The following ZNF527 variants were observed in gnomAD, a reference collection of about 807,000 sequenced individuals.
ZNF527 encodes zinc finger protein 527.
In ZNF527, 5 loss-of-function variants were observed where a neutral mutation model predicts 13.5. That is an observed-to-expected ratio of 0.37 (90% CI 0.19 to 0.78). The LOEUF is 0.78. ZNF527 is among the 30% of genes least tolerant of loss of function. ZNF527 has a pLI of 0.48. For synonymous variants in ZNF527, 209 were observed against 243.1 expected (o/e 0.86, Z 1.30); for missense variants, 628 against 726.4 (o/e 0.86, Z 1.56).
intron 4 of ZNF527, among the ~76,000 whole-genome samples, chr19:37,387,661 C>T (rs76122691): frequency 0.019 from 2,871 of 152,264 alleles, 34 homozygotes; most frequent in Middle Eastern, 0.068. Context: ...CGTATCTTCT[C>T]AATAGGCATC....
At position 37,389,526 on chromosome 19, in the gene ZNF527, A is replaced by G. The variant is rs771579249; in HGVS notation, c.1477A>G (p.Thr493Ala). 2 of 1,614,090 alleles carry G rather than the reference A, an allele frequency of 1.2e-6. No homozygotes were observed. The highest frequency in any genetic ancestry group is 2.7e-5 in the African/African-American group (2 of 74,938). ...SQLNRHHRIH[T>A]GERPFECSKC... ...ACTTAATCGACATCATAGAATTCACACTGGAGAGAGACCATTTGAATGCAG... is the reference window on the plus strand; with the variant it reads ...ACTTAATCGACATCATAGAATTCACGCTGGAGAGAGACCATTTGAATGCAG... Residue 493 changes from threonine to alanine, a missense_variant, in exon 5 of 5, where the codon ACT becomes GCT. Around this residue, in one of 3 missense-constraint regions of ZNF527, gnomAD observed 592 missense variants for 678.0 expected, o/e 0.87. Transcript: ENST00000436120.
At chr19:37,381,422 T>C (rs1430661912) in intron 4 of ZNF527, among the ~76,000 whole-genome samples, 2 of 152,206 alleles carry the variant, frequency 1.3e-5, no homozygotes, top group East Asian at 3.8e-4. Context: ...TGGATCTATC[T>C]GATTTATCTG....
chr19:37,385,258 G>A (rs986839662), intron 4 of ZNF527: 10 of 438,876 alleles, frequency 2.3e-5, no homozygotes, highest in Admixed American at 7.9e-5. Flanking sequence ...GTTTTCTCCC[G>A]CACACAAGTT....
Position 37,391,148 on chromosome 19 carries a change from T to C in ZNF527, c.*1269T>C, listed in dbSNP as rs1298720723. 2 of 152,244 alleles carry C rather than the reference T, an allele frequency of 1.3e-5. No homozygotes were observed. Among genetic ancestry groups the C allele is most frequent in the Non-Finnish European group, 2.9e-5 (2 of 68,044 alleles). 9.4% of individuals were successfully genotyped at this position (152,244 alleles called of 1,614,324 possible). A position where few individuals can be genotyped will look rare whatever the true frequency, so the allele number is the denominator to read the frequency against. On this transcript the variant is annotated 3_prime_UTR_variant, in exon 5 of 5. Transcript: ENST00000436120. ...CTAAGAGAATAATACTTTCATTTGT[T>C]TAATGAATGGCTCTTCATCTTCAAG...
chr19:37,389,857 T>C lies in ZNF527; in HGVS notation c.1808T>C (p.Ile603Thr). 1.9e-6 allele frequency: 3 copies of C among 1,600,534 alleles called. No homozygotes were observed. The highest frequency in any genetic ancestry group is 2.6e-6 in the Non-Finnish European group (3 of 1,175,632). ...CVSALRRHQR[I>T]HNRETL ...TCAGCCCTTAGACGACATCAGAGAA[T>C]TCATAATAGAGAAACGCTCTGATTA... Residue 603 changes from isoleucine to threonine, a missense_variant, in exon 5 of 5, where the codon ATT becomes ACT. By Grantham distance (89) the Ile-to-Thr change is moderately conservative (BLOSUM62 -1). This residue lies in a region of ZNF527 where 592 missense variants were observed against 678.0 expected (regional missense o/e 0.87). Coordinates refer to ENST00000436120, the MANE Select transcript of ZNF527 (RefSeq NM_032453.2).
At chr19:37,383,093 A>G (rs372881295) in intron 4 of ZNF527, among the ~76,000 whole-genome samples, 36 of 152,242 alleles carry the variant, frequency 2.4e-4, no homozygotes, top group African/African-American at 7.2e-4. Context: ...ACAAATTAGC[A>G]CACATTTAGT....
intron 4 of ZNF527, 45 bp downstream of exon 4, chr19:37,380,417 C>G (rs184408293): frequency 2.0e-6 from 3 of 1,537,318 alleles, no homozygotes; most frequent in African/African-American, 1.4e-5. Flanking sequence ...GTAAGGTACT[C>G]AACCAAGTAG....
chr19:37,380,858 C>G (rs2040648377), intron 4 of ZNF527, among the ~76,000 whole-genome samples: 1 of 152,106 alleles, frequency 6.6e-6, no homozygotes, highest in Admixed American at 6.6e-5. Context: ...GATCCACTTT[C>G]TTTTCTTTTG....
At chr19:37,385,189 T>C (rs1370847639) in intron 4 of ZNF527, 12 of 467,782 alleles carry the variant, frequency 2.6e-5, no homozygotes, top group Non-Finnish European at 3.8e-5. Flanking sequence ...TTATTCATTT[T>C]TCTATGATAT....
intron 4 of ZNF527, chr19:37,384,892 G>A (rs1304052274): frequency 1.4e-6 from 1 of 700,930 alleles, no homozygotes; most frequent in South Asian, 1.5e-5. Flanking sequence ...GCCCAGGCTG[G>A]AGTGCAGTGG....
Position 37,380,371 on chromosome 19 carries a change from A to T in ZNF527, c.255A>T (p.Ala85=). The T allele has an allele frequency of 6.2e-7, 1 of 1,612,964 alleles. No individual in the cohort carries two copies. Among genetic ancestry groups the T allele is most frequent in the Non-Finnish European group, 8.5e-7 (1 of 1,178,988 alleles). The change falls in exon 4 of 5, where the codon GCA becomes GCT. Residue 85 remains alanine (A), a splice_region_variant and synonymous_variant. Transcript: ENST00000436120. ...VERKMSQGHC[A]DWESWCEIEE... is the part of the protein sequence containing the mutation. Reference sequence around the variant, plus strand: ...GAAAGATGTCACAGGGTCACTGTGCAGGTGAGTGACAGATCACCAGGCAGG... The same window carrying T: ...GAAAGATGTCACAGGGTCACTGTGCTGGTGAGTGACAGATCACCAGGCAGG...
chr19:37,391,797 C>A lies in ZNF527; in HGVS notation c.*1918C>A, dbSNP rs1027529325. On this transcript the variant is annotated 3_prime_UTR_variant, in exon 5 of 5. Transcript: ENST00000436120. ...TAATGAGGAAGATGAAGGTGTAGGG[C>A]AATACGTTTCTTTTTTATCTGAGTG... 6.6e-6 allele frequency: 1 copy of A among 152,002 alleles called. No homozygotes were observed. Among genetic ancestry groups the A allele is most frequent in the African/African-American group, 2.4e-5 (1 of 41,378 alleles). 9.4% of individuals were successfully genotyped at this position (152,002 alleles called of 1,614,324 possible).
chr19:37,372,804 C>T (rs530310376), intron 1 of ZNF527, among the ~76,000 whole-genome samples: 10 of 152,146 alleles, frequency 6.6e-5, no homozygotes, highest in South Asian at 6.2e-4. Context: ...GAAATGTTGG[C>T]TCTAAGAGGA....
rs780357867 is a variant in ZNF527, at chr19:37,389,090, A to G, written c.1041A>G (p.Gln347=). 3.1e-6 allele frequency: 5 copies of G among 1,614,070 alleles called. No individual in the cohort carries two copies. Among genetic ancestry groups the G allele is most frequent in the Non-Finnish European group, 4.2e-6 (5 of 1,180,034 alleles). The change falls in exon 5 of 5, where the codon CAA becomes CAG. Residue 347 remains glutamine (Q), a synonymous_variant. Transcript: ENST00000436120. The stretch of plus-strand genomic sequence containing the variant: ...TCAGACAGAGTGCTCACCTTGCTCA[A>G]CATCAGAGGATCCACACTGGAGAGA... ...KAFRQSAHLA[Q]HQRIHTGEKP...
At chr19:37,388,205 C>A (rs2040715608) in intron 4 of ZNF527, 101 bp from the exon 5 acceptor site, 2 of 1,373,530 alleles carry the variant, frequency 1.5e-6, no homozygotes, top group Non-Finnish European at 2.0e-6. Context: ...AGACTTTCTA[C>A]CCTCCTTCCC....
At position 37,375,311 on chromosome 19, in the gene ZNF527, T is replaced by TTTCTTTGTTTTCTTTCTTTCTTTC. The variant is rs760003304; in HGVS notation, c.33+1082_33+1083insCTTTGTTTTCTTTCTTTCTTTCTT. 1.5e-4 allele frequency among the ~76,000 whole-genome samples: 12 copies of TTTCTTTGTTTTCTTTCTTTCTTTC among 79,838 alleles called. 1 individual carries two copies. The highest frequency in any genetic ancestry group is 7.0e-4 in the Admixed American group (5 of 7,094). The allele number at this position is 79,838 out of a possible 152,430, so 52.4% of individuals were successfully genotyped here. A position where few individuals can be genotyped will look rare whatever the true frequency, so the allele number is the denominator to read the frequency against. On this transcript the variant is annotated intron_variant, in intron 2 of 4. Transcript: ENST00000436120. ...CTTTCTTTCTTTCTTTCTTTCTTTC[T>TTTCTTTGTTTTCTTTCTTTCTTTC]TTTCTTTCTTTCTTTCTTTCTTTCT...
At position 37,389,833 on chromosome 19, in the gene ZNF527, C is replaced by T; in HGVS notation, c.1784C>T (p.Ser595Leu). The T allele has an allele frequency of 5.6e-6, 9 of 1,612,372 alleles. No homozygotes were observed. Among genetic ancestry groups the T allele is most frequent in the Non-Finnish European group, 7.6e-6 (9 of 1,179,710 alleles). Reference sequence around the variant, plus strand: ...TGTGGGAATAATTTTAGCTGTGTCTCAGCCCTTAGACGACATCAGAGAATT... The same window carrying T: ...TGTGGGAATAATTTTAGCTGTGTCTTAGCCCTTAGACGACATCAGAGAATT... ...NECGNNFSCV[S>L]ALRRHQRIHN... Residue 595 changes from serine (S) to leucine (L), a missense_variant, in exon 5 of 5, where the codon TCA becomes TTA. Ser to Leu is a moderately radical substitution (Grantham distance 145). Transcript: ENST00000436120.
intron 4 of ZNF527, among the ~76,000 whole-genome samples, chr19:37,386,192 G>A (rs186021971): frequency 1.1e-4 from 14 of 125,120 alleles, no homozygotes; most frequent in African/African-American, 4.6e-4. Flanking sequence ...ACCCAGGCTG[G>A]AATGCTGTGG....
intron 4 of ZNF527, among the ~76,000 whole-genome samples, chr19:37,387,000 C>T (rs921923832): frequency 5.9e-5 from 9 of 152,004 alleles, no homozygotes; most frequent in Non-Finnish European, 1.2e-4. Flanking sequence ...AAATCCAAGG[C>T]GGTATATAGG....
Sources: allele counts gnomAD v4.1 joint callset (sites outside exome capture counted in the v4.1 genomes callset), GRCh38; gene constraint gnomAD v4.1.1; regional missense constraint gnomAD v4.1.1; transcripts MANE v1.5; gene names NCBI Gene and HGNC (gene_info 2026-07-23, HGNC 2026-07-21).